EYS: variants seen among roughly 807,000 people sequenced by gnomAD.
The protein encoded by EYS is EGF-like photoreceptor maintenance factor.
Under a neutral mutation model 282.1 loss-of-function variants are expected in EYS, and 250 were observed. The observed-to-expected ratio is 0.89, with a 90% CI of 0.80 to 0.98. The LOEUF is 0.98. Among genes scored for constraint, EYS ranks in the 50% least tolerant of loss-of-function variants. The pLI, the probability that EYS is intolerant of heterozygous loss-of-function variation, is 0.00. For synonymous variants in EYS, 1,355 were observed against 1,282.9 expected (o/e 1.06, Z -1.20); for missense variants, 4,016 against 3,709.0 (o/e 1.08, Z -2.15).
chr6:64,771,905 T>A (rs1249775978), intron 22 of EYS, among the ~76,000 whole-genome samples: 2 of 151,828 alleles, frequency 1.3e-5, no homozygotes, highest in Non-Finnish European at 3.0e-5. Context: ...TTATTGTTTT[T>A]AATCTATCTT....
At chr6:65,474,407 C>T (rs186378188) in intron 5 of EYS, among the ~76,000 whole-genome samples, 1 of 152,186 alleles carries the variant, frequency 6.6e-6, no homozygotes, top group East Asian at 1.9e-4. Flanking sequence ...CCTTTCTCTA[C>T]CCCTTTATCC....
At chr6:64,798,223 C>T in intron 22 of EYS, among the ~76,000 whole-genome samples, 1 of 151,752 alleles carries the variant, frequency 6.6e-6, no homozygotes, top group East Asian at 1.9e-4. Context: ...TTTACATATT[C>T]TAAAATTACA....
At chr6:65,546,220 G>C (rs1768380588) in intron 2 of EYS, among the ~76,000 whole-genome samples, 1 of 149,228 alleles carries the variant, frequency 6.7e-6, no homozygotes, top group African/African-American at 2.5e-5. Flanking sequence ...ATAGGGACAG[G>C]GTTTTGCCAT....
intron 31 of EYS, among the ~76,000 whole-genome samples, chr6:64,184,960 G>T (rs1198298283): frequency 1.3e-5 from 2 of 151,894 alleles, no homozygotes; most frequent in Non-Finnish European, 2.9e-5. Flanking sequence ...ATTAGAAAGT[G>T]GGGTATCTGG....
chr6:64,867,348 T>G (rs1766455183), intron 19 of EYS, among the ~76,000 whole-genome samples: 1 of 151,792 alleles, frequency 6.6e-6, no homozygotes, highest in Non-Finnish European at 1.5e-5. Flanking sequence ...AAATTTGTCC[T>G]GTCTTCTCAA....
At chr6:65,017,619 C>A (rs1772097678) in intron 13 of EYS, among the ~76,000 whole-genome samples, 1 of 152,086 alleles carries the variant, frequency 6.6e-6, no homozygotes, top group South Asian at 2.1e-4. Context: ...TGAGCGTAAA[C>A]AATTTTATGG....
At chr6:65,377,801 A>C (rs982806138) in intron 8 of EYS, among the ~76,000 whole-genome samples, 2 of 152,126 alleles carry the variant, frequency 1.3e-5, no homozygotes, top group Non-Finnish European at 2.9e-5. Flanking sequence ...GAAATGGATA[A>C]ATTCCTGGAC....
chr6:65,484,380 C>T lies in EYS; in HGVS notation c.862+6214G>A, dbSNP rs186001092. On this transcript the variant is annotated intron_variant, in intron 5 of 42. Transcript: ENST00000503581. ...TCACCACTTGGTATTTTATATTCTG[C>T]CATCATCTTTTCCAGAAGTGTGAGA... 3.5e-3 allele frequency among the ~76,000 whole-genome samples: 526 copies of T among 152,248 alleles called. 3 individuals are homozygous for T. The highest frequency in any genetic ancestry group is 0.012 in the African/African-American group (490 of 41,538).
intron 8 of EYS, among the ~76,000 whole-genome samples, chr6:65,359,900 G>A (rs1219864095): frequency 1.3e-5 from 2 of 151,712 alleles, no homozygotes; most frequent in Non-Finnish European, 2.9e-5. Context: ...TTCAGATAAG[G>A]AAATAAAAAT....
At chr6:64,692,710 C>G (rs906750330) in intron 22 of EYS, among the ~76,000 whole-genome samples, 2 of 152,150 alleles carry the variant, frequency 1.3e-5, no homozygotes, top group African/African-American at 4.8e-5. Flanking sequence ...CTACATATGG[C>G]TATCCAGTTA....
At chr6:65,405,419 G>C in intron 5 of EYS, 52 bp from the exon 6 acceptor site, 1,437 of 1,241,602 alleles carry the variant, frequency 1.2e-3, no homozygotes, top group Non-Finnish European at 1.6e-3. Flanking sequence ...AAGGAAAGAA[G>C]AAATGAGCAT....
chr6:65,010,670 G>A (rs1238794035), intron 13 of EYS, among the ~76,000 whole-genome samples: 3 of 152,204 alleles, frequency 2.0e-5, no homozygotes, highest in Non-Finnish European at 4.4e-5. Context: ...CTTCACTGCA[G>A]GAACTAGTGC....
chr6:64,006,154 G>A (rs1418199176), intron 33 of EYS, among the ~76,000 whole-genome samples: 2 of 151,956 alleles, frequency 1.3e-5, no homozygotes, highest in Non-Finnish European at 2.9e-5. Context: ...TTTCAGCAGT[G>A]TTTGTAATTC....
At chr6:64,381,890 AAAGAATACAG>A in intron 29 of EYS, among the ~76,000 whole-genome samples, 1 of 152,334 alleles carries the variant, frequency 6.6e-6, no homozygotes, top group East Asian at 1.9e-4. Flanking sequence ...TTAGTTCTTA[AAAGAATACAG>A]ATGGTGTTCC....
intron 15 of EYS, among the ~76,000 whole-genome samples, chr6:64,916,461 G>A (rs944455509): frequency 6.6e-6 from 1 of 152,176 alleles, no homozygotes; most frequent in Non-Finnish European, 1.5e-5. Context: ...ATAAAGTTCC[G>A]AGGAACAAAG....
intron 29 of EYS, among the ~76,000 whole-genome samples, chr6:64,314,146 A>C (rs982604017): frequency 2.8e-5 from 4 of 142,806 alleles, no homozygotes; most frequent in Non-Finnish European, 6.0e-5. Flanking sequence ...AGACACACAC[A>C]GGCTCAAAAT....
At chr6:64,810,231 G>T (rs917882709) in intron 22 of EYS, among the ~76,000 whole-genome samples, 1 of 151,832 alleles carries the variant, frequency 6.6e-6, no homozygotes, top group South Asian at 2.1e-4. Context: ...AAACAGAAGG[G>T]AATTAAATTA....
At chr6:64,253,765 C>T (rs559021085) in intron 30 of EYS, among the ~76,000 whole-genome samples, 1 of 152,088 alleles carries the variant, frequency 6.6e-6, no homozygotes, top group East Asian at 1.9e-4. Flanking sequence ...GGTTTATTCT[C>T]AAGGGGACAG....
intron 2 of EYS, among the ~76,000 whole-genome samples, chr6:65,514,610 G>T (rs747438882): frequency 4.6e-5 from 7 of 152,146 alleles, no homozygotes; most frequent in Admixed American, 1.3e-4. Context: ...CAGTGGAACA[G>T]AACAGAGCCC....
Sources: allele counts gnomAD v4.1 joint callset (sites outside exome capture counted in the v4.1 genomes callset), GRCh38; gene constraint gnomAD v4.1.1; transcripts MANE v1.5; gene names NCBI Gene and HGNC (gene_info 2026-07-23, HGNC 2026-07-21).